Variants in PCNX4 observed in about 807,000 individuals in gnomAD.
PCNX4 encodes the protein pecanex-like protein 4.
In PCNX4, 103 loss-of-function variants were observed where a neutral mutation model predicts 107.2. The ratio of observed to expected loss-of-function variants is 0.96; its 90% CI spans 0.82 to 1.13. PCNX4 has a LOEUF of 1.13. Among genes scored for constraint, PCNX4 ranks in the 50% most tolerant of loss-of-function variants. The probability of loss-of-function intolerance (pLI) is 0.00; values close to 1 mark genes in which losing one functional copy is unlikely to be tolerated. For synonymous variants in PCNX4, 541 were observed against 481.7 expected (o/e 1.12, Z -1.61); for missense variants, 1,528 against 1,379.4 (o/e 1.11, Z -1.71).
intron 10 of PCNX4, among the ~76,000 whole-genome samples, chr14:60,127,417 T>C (rs898776484): frequency 9.2e-5 from 14 of 152,170 alleles, no homozygotes; most frequent in African/African-American, 3.1e-4. Context: ...TGGCAATCAG[T>C]GGAGCTTAAT....
At chr14:60,112,242 A>G (rs966149427) in intron 2 of PCNX4, among the ~76,000 whole-genome samples, 2 of 152,208 alleles carry the variant, frequency 1.3e-5, no homozygotes, top group African/African-American at 4.8e-5. Flanking sequence ...CATTTATATC[A>G]TCTTAGCCAC....
At chr14:60,133,821 C>A in intron 10 of PCNX4, 149 bp from the exon 11 acceptor site, 3 of 751,956 alleles carry the variant, frequency 4.0e-6, no homozygotes, top group Admixed American at 5.6e-5. Flanking sequence ...AACTTGTGTA[C>A]ATTTTTAAAC....
intron 2 of PCNX4, chr14:60,110,953 AC>A (rs1455457593): frequency 1.2e-5 from 2 of 166,806 alleles, no homozygotes; most frequent in Non-Finnish European, 2.9e-5. Flanking sequence ...TGAAGGTGAG[AC>A]CCTAGTCTGA....
rs757368233 is a variant in PCNX4, at chr14:60,108,179, T to G, written c.541T>G (p.Trp181Gly). Residue 181 changes from tryptophan to glycine, a missense_variant, in exon 2 of 11, where the codon TGG becomes GGG. Coordinates refer to ENST00000406854, the MANE Select transcript of PCNX4 (RefSeq NM_001330177.2). ...GGTALLFFFG[W>G]MTLCIAEYSL... ...CACTGCTCTACTATTCTTCTTTGGA[T>G]GGATGACACTATGTATAGCAGAATA... The G allele has an allele frequency of 1.3e-5, 21 of 1,612,772 alleles. No homozygotes were observed. Among genetic ancestry groups the G allele is most frequent in the Non-Finnish European group, 1.7e-5 (20 of 1,179,888 alleles).
chr14:60,094,240 T>C (rs1009398623), intron 1 of PCNX4, among the ~76,000 whole-genome samples: 1 of 152,214 alleles, frequency 6.6e-6, no homozygotes, highest in African/African-American at 2.4e-5. Flanking sequence ...CCCCTCATGC[T>C]GGCTTAGCCA....
chr14:60,127,487 G>T (rs993666743), intron 10 of PCNX4, among the ~76,000 whole-genome samples: 1 of 152,226 alleles, frequency 6.6e-6, no homozygotes, highest in Admixed American at 6.5e-5. Flanking sequence ...CAAGGTAGCT[G>T]TGTGCATTCA....
rs994431887 is a variant in PCNX4, at chr14:60,134,424, G to T, written c.*203G>T. The T allele has an allele frequency of 1.6e-5, 9 of 577,386 alleles. No individual in the cohort carries two copies. Among genetic ancestry groups the T allele is most frequent in the African/African-American group, 1.3e-4 (7 of 53,224 alleles). 35.8% of individuals were successfully genotyped at this position (577,386 alleles called of 1,614,324 possible). A position where few individuals can be genotyped will look rare whatever the true frequency, so the allele number is the denominator to read the frequency against. On this transcript the variant is annotated 3_prime_UTR_variant, in exon 11 of 11. Transcript: ENST00000406854. ...AAACATCTTTATGTCTAAGATAAAA[G>T]AACTATTTGGCCAATATTTGTGCCC...
Position 60,108,197 on chromosome 14 carries a change from G to A in PCNX4, c.559G>A (p.Ala187Thr). The A allele has an allele frequency of 1.9e-6, 3 of 1,612,786 alleles. No individual in the cohort carries two copies. In the South Asian group the frequency reaches 3.3e-5, roughly 18 times the overall value. Residue 187 changes from alanine (A) to threonine (T), a missense_variant, in exon 2 of 11, where the codon GCA becomes ACA. Coordinates refer to ENST00000406854, the MANE Select transcript of PCNX4 (RefSeq NM_001330177.2). Reference protein sequence around the residue: ...FFFGWMTLCIAEYSLIVNTAT... With the variant: ...FFFGWMTLCITEYSLIVNTAT... The stretch of plus-strand genomic sequence containing the variant: ...CTTTGGATGGATGACACTATGTATA[G>A]CAGAATATTCTTTAATTGTAAACAC...
At position 60,136,694 on chromosome 14, in the gene PCNX4, G is replaced by A. The variant is rs12433777; in HGVS notation, c.*2473G>A. 1 of 152,706 alleles carries A rather than the reference G, an allele frequency of 6.5e-6. No homozygotes were observed. The highest frequency in any genetic ancestry group is 1.5e-5 in the Non-Finnish European group (1 of 68,174). The allele number at this position is 152,706 out of a possible 1,614,324, so 9.5% of individuals were successfully genotyped here. A position where few individuals can be genotyped will look rare whatever the true frequency, so the allele number is the denominator to read the frequency against. On this transcript the variant is annotated 3_prime_UTR_variant, in exon 11 of 11. Transcript: ENST00000406854. Reference sequence around the variant, plus strand: ...GTACTTATAGGCATGGGTGAGAGGGGTCTGGGCAGTATGGCTTGCTGCTCG... The same window carrying A: ...GTACTTATAGGCATGGGTGAGAGGGATCTGGGCAGTATGGCTTGCTGCTCG...
chr14:60,109,507 C>G (rs938605535), intron 2 of PCNX4: 1 of 165,276 alleles, frequency 6.1e-6, no homozygotes, highest in Non-Finnish European at 1.5e-5. Context: ...GTGGCACAAT[C>G]TTGGCCCACT....
intron 10 of PCNX4, among the ~76,000 whole-genome samples, chr14:60,130,950 C>T (rs916711206): frequency 2.0e-5 from 3 of 151,980 alleles, no homozygotes; most frequent in Non-Finnish European, 4.4e-5. Context: ...GGTAATTAGG[C>T]TTAGATGAGA....
intron 1 of PCNX4, among the ~76,000 whole-genome samples, chr14:60,102,363 G>T (rs1895549661): frequency 6.6e-6 from 1 of 151,906 alleles, no homozygotes; most frequent in South Asian, 2.1e-4. Context: ...TTTTTTTGTT[G>T]AACTTAGAGA....
intron 7 of PCNX4, among the ~76,000 whole-genome samples, chr14:60,119,095 A>G (rs1895906645): frequency 6.6e-6 from 1 of 152,200 alleles, no homozygotes; most frequent in South Asian, 2.1e-4. Flanking sequence ...TTTACATAAT[A>G]TCAGCTTGAG....
intron 1 of PCNX4, among the ~76,000 whole-genome samples, chr14:60,095,411 G>T (rs219300): frequency 0.75 from 114,503 of 152,106 alleles, 45,175 homozygotes; most frequent in Non-Finnish European, 0.87. Flanking sequence ...GACATTGCCA[G>T]GATGAAATTT....
Position 60,127,110 on chromosome 14 carries a change from T to C in PCNX4, c.3267+1287T>C, listed in dbSNP as rs910906613. On this transcript the variant is annotated intron_variant, in intron 10 of 10. Coordinates refer to ENST00000406854, the MANE Select transcript of PCNX4 (RefSeq NM_001330177.2). ...AGTGTAGACACATTAAAGCCCAAAA[T>C]GTTCTTGAAAACAATGGAGGACTTG... Among the ~76,000 whole-genome samples the C allele has an allele frequency of 3.9e-5, 6 of 152,196 alleles. No homozygotes were observed. The East Asian group carries it at 1.2e-3, about 29-fold the overall frequency.
At chr14:60,132,268 C>T (rs2140569215) in intron 10 of PCNX4, among the ~76,000 whole-genome samples, 1 of 152,250 alleles carries the variant, frequency 6.6e-6, no homozygotes, top group African/African-American at 2.4e-5. Context: ...TCAATTCTAC[C>T]ACTACTTTCT....
intron 1 of PCNX4, among the ~76,000 whole-genome samples, chr14:60,103,522 G>A (rs947280272): frequency 2.6e-5 from 4 of 152,136 alleles, no homozygotes; most frequent in African/African-American, 4.8e-5. Flanking sequence ...TTTAAAAATA[G>A]TTCATTAAAA....
chr14:60,133,350 A>T (rs1271999352), intron 10 of PCNX4, among the ~76,000 whole-genome samples: 1 of 152,186 alleles, frequency 6.6e-6, no homozygotes, highest in Non-Finnish European at 1.5e-5. Flanking sequence ...ACCACATATT[A>T]TGTGATTCAT....
chr14:60,105,106 A>G (rs1438433099), intron 1 of PCNX4, among the ~76,000 whole-genome samples: 4 of 152,198 alleles, frequency 2.6e-5, no homozygotes, highest in African/African-American at 4.8e-5. Context: ...TCCTTTGGGC[A>G]TCATGTTGGC....
Sources: gnomAD v4.1 joint callset for allele counts (sites outside exome capture counted in the v4.1 genomes callset) on GRCh38, gnomAD v4.1.1 for gene constraint, MANE v1.5 for transcripts, NCBI Gene and HGNC (gene_info 2026-07-23, HGNC 2026-07-21) for gene names.